SGCD: variants seen among roughly 807,000 people sequenced by gnomAD.
The protein encoded by SGCD is sarcoglycan delta.
In SGCD, 18 loss-of-function variants were observed where a neutral mutation model predicts 36.6. That is an observed-to-expected ratio of 0.49 (90% CI 0.34 to 0.73). SGCD has a LOEUF of 0.73. Among genes scored for constraint, SGCD ranks in the 30% least tolerant of loss-of-function variants. The pLI, the probability that SGCD is intolerant of heterozygous loss-of-function variation, is 0.01. For synonymous variants in SGCD, 133 were observed against 130.6 expected, an observed-to-expected ratio of 1.02 and a Z score of -0.12; for missense variants, 387 against 346.7, an observed-to-expected ratio of 1.12 and a Z score of -0.92.
At chr5:156,531,350 T>C (rs1242187796) in intron 4 of SGCD, among the ~76,000 whole-genome samples, 1 of 152,252 alleles carries the variant, frequency 6.6e-6, no homozygotes, top group East Asian at 1.9e-4. Context: ...GCTGGGGTTC[T>C]TTTGGTTGTT....
At chr5:155,995,874 G>A (rs1758530418) in intron 1 of SGCD, among the ~76,000 whole-genome samples, 1 of 151,862 alleles carries the variant, frequency 6.6e-6, no homozygotes, top group South Asian at 2.1e-4. Flanking sequence ...AAATTTTCTG[G>A]GGATAATGGG....
intron 2 of SGCD, among the ~76,000 whole-genome samples, chr5:156,330,933 A>T (rs1768041239): frequency 1.3e-5 from 2 of 152,220 alleles, no homozygotes; most frequent in Admixed American, 1.3e-4. Context: ...TCTAAAATGG[A>T]CAAGACAAAA....
At chr5:155,789,780 G>A in the SGCD span, among the ~76,000 whole-genome samples, 26 of 152,124 alleles carry the variant, frequency 1.7e-4, no homozygotes, top group South Asian at 3.7e-3. Context: ...GAAGTGTTTA[G>A]GACCATTTCA....
intron 7 of SGCD, among the ~76,000 whole-genome samples, chr5:156,706,629 G>A (rs1447319102): frequency 6.6e-6 from 1 of 152,064 alleles, no homozygotes; most frequent in Non-Finnish European, 1.5e-5. Context: ...GCCTTTCCTG[G>A]GAAGAGGGTA....
At chr5:156,212,290 A>G (rs1417912231) in intron 3 of SGCD, among the ~76,000 whole-genome samples, 1 of 152,216 alleles carries the variant, frequency 6.6e-6, no homozygotes, top group Non-Finnish European at 1.5e-5. Flanking sequence ...AAGAACACAT[A>G]TAGAGTGAGA....
At chr5:155,799,123 T>C in the SGCD span, among the ~76,000 whole-genome samples, 1 of 152,216 alleles carries the variant, frequency 6.6e-6, no homozygotes, top group Non-Finnish European at 1.5e-5. Flanking sequence ...CTTGTTGGTA[T>C]ACTTTTTTTC....
At chr5:155,937,010 G>C (rs111333075) in intron 1 of SGCD, among the ~76,000 whole-genome samples, 9 of 151,276 alleles carry the variant, frequency 5.9e-5, no homozygotes, top group South Asian at 2.1e-4. Context: ...GCCAGGGAGT[G>C]GGGGGAGAGA....
At chr5:156,399,255 A>T (rs1772018979) in intron 3 of SGCD, among the ~76,000 whole-genome samples, 1 of 152,208 alleles carries the variant, frequency 6.6e-6, no homozygotes, top group South Asian at 2.1e-4. Context: ...ATACTCAAAG[A>T]GCTCATTGTT....
chr5:155,741,617 C>G, the SGCD span, among the ~76,000 whole-genome samples: 3 of 151,662 alleles, frequency 2.0e-5, no homozygotes, highest in African/African-American at 7.3e-5. Flanking sequence ...TATCATGAAG[C>G]ATGTCTGACC....
At chr5:156,385,048 A>C (rs980101898) in intron 3 of SGCD, among the ~76,000 whole-genome samples, 5 of 152,212 alleles carry the variant, frequency 3.3e-5, no homozygotes, top group African/African-American at 1.2e-4. Flanking sequence ...CCAGAAATGC[A>C]CACCATTAAA....
the SGCD span, among the ~76,000 whole-genome samples, chr5:155,838,789 A>C: frequency 2.6e-5 from 4 of 151,366 alleles, no homozygotes; most frequent in Admixed American, 1.3e-4. Flanking sequence ...AAAAAAAAAA[A>C]AAACAATTCA....
At chr5:155,869,256 A>G (rs1006990675), upstream of SGCD, among the ~76,000 whole-genome samples, 2 of 152,302 alleles carry the variant, frequency 1.3e-5, no homozygotes, top group Admixed American at 6.5e-5. Flanking sequence ...TCTGGGCACT[A>G]TTCGGTGCCC....
At chr5:156,143,425 G>A (rs1762622869) in intron 3 of SGCD, among the ~76,000 whole-genome samples, 2 of 152,174 alleles carry the variant, frequency 1.3e-5, no homozygotes, top group African/African-American at 4.8e-5. Flanking sequence ...CTGCCTAGTG[G>A]AACTGTGAGA....
At chr5:156,176,413 A>G (rs965652637) in intron 3 of SGCD, among the ~76,000 whole-genome samples, 3 of 152,190 alleles carry the variant, frequency 2.0e-5, no homozygotes, top group African/African-American at 7.2e-5. Flanking sequence ...ACCTTATGCC[A>G]TTTTTTGATA....
At chr5:156,307,110 C>G in intron 3 of SGCD, among the ~76,000 whole-genome samples, 1 of 147,752 alleles carries the variant, frequency 6.8e-6, no homozygotes. Context: ...GGCACAAACA[C>G]AGATAACTGC....
rs1049947237 is a variant in SGCD at position 156,158,646 on chromosome 5, C to A, written c.-44+34627C>A. On this transcript the variant is annotated intron_variant, in intron 3 of 9. Transcript: ENST00000517913. ...CATTAATGCAGTCTTTACGGACAAG[C>A]CTTCCGGGGTACTCAGCATGATAGA... Among the ~76,000 whole-genome samples the A allele has an allele frequency of 2.0e-4, 30 of 151,560 alleles. 2 individuals carry two copies. The highest frequency in any genetic ancestry group is 7.1e-4 in the African/African-American group (29 of 40,890).
intron 1 of SGCD, among the ~76,000 whole-genome samples, chr5:155,986,543 C>A (rs891022028): frequency 6.6e-6 from 1 of 152,138 alleles, no homozygotes; most frequent in Non-Finnish European, 1.5e-5. Flanking sequence ...TGCCCTGGAA[C>A]AACCCAGGCA....
chr5:156,491,956 T>C (rs996275915), intron 3 of SGCD, among the ~76,000 whole-genome samples: 1 of 151,986 alleles, frequency 6.6e-6, no homozygotes, highest in Non-Finnish European at 1.5e-5. Flanking sequence ...CAACTCCTGA[T>C]ACTGTTCTAT....
chr5:156,414,830 G>A (rs889005560), intron 3 of SGCD, among the ~76,000 whole-genome samples: 2 of 152,172 alleles, frequency 1.3e-5, no homozygotes, highest in Admixed American at 1.3e-4. Context: ...GATTTTTCTA[G>A]CATTTGGTAT....
Sources: allele counts gnomAD v4.1 joint callset (sites outside exome capture counted in the v4.1 genomes callset), GRCh38; gene constraint gnomAD v4.1.1; transcripts MANE v1.5; gene names NCBI Gene and HGNC (gene_info 2026-07-23, HGNC 2026-07-21).